Variants in NT5C2 observed in about 807,000 individuals in gnomAD.
NT5C2 encodes the protein cytosolic purine 5'-nucleotidase.
A neutral mutation model predicts 76.1 loss-of-function variants in NT5C2; 58 were observed. The observed-to-expected ratio is 0.76, with a 90% CI of 0.62 to 0.95. The LOEUF (loss-of-function observed/expected upper bound fraction) is 0.95, where lower values mean the gene tolerates loss of function less well. Among genes scored for constraint, NT5C2 ranks in the 40% least tolerant of loss-of-function variants. The probability of loss-of-function intolerance (pLI) is 0.00; values close to 1 mark genes in which losing one functional copy is unlikely to be tolerated. For synonymous variants in NT5C2, 229 were observed against 237.4 expected, an observed-to-expected ratio of 0.96 and a Z score of 0.32; for missense variants, 478 against 690.3, an observed-to-expected ratio of 0.69 and a Z score of 3.45.
At chr10:103,093,054 T>C (rs1302698364) in intron 15 of NT5C2, 85 bp downstream of exon 15, 3 of 1,220,178 alleles carry the variant, frequency 2.5e-6, no homozygotes, top group African/African-American at 3.1e-5. Context: ...ACTTCCTGAA[T>C]ACAAAGTAAT....
intron 3 of NT5C2, among the ~76,000 whole-genome samples, chr10:103,165,899 A>G (rs956290680): frequency 3.9e-5 from 6 of 152,070 alleles, no homozygotes; most frequent in Admixed American, 2.6e-4. Flanking sequence ...CGAACTCCCA[A>G]CCTCAGGTGA....
At chr10:103,130,142 A>G (rs2077828961) in intron 4 of NT5C2, among the ~76,000 whole-genome samples, 1 of 151,872 alleles carries the variant, frequency 6.6e-6, no homozygotes, top group Non-Finnish European at 1.5e-5. Context: ...AGATTGAGAA[A>G]TCGGATGGTT....
chr10:103,114,319 G>A (rs1392868167), intron 4 of NT5C2, among the ~76,000 whole-genome samples: 2 of 152,144 alleles, frequency 1.3e-5, no homozygotes, highest in African/African-American at 2.4e-5. Flanking sequence ...GCACGTGCCT[G>A]TATCACTGGT....
rs184807607 is a variant in NT5C2 at position 103,173,913 on chromosome 10, C to T, written c.101+945G>A. ...GAGTTCAAGACCAGCCTGGCTAACA[C>T]GGTGAAACCCTGTCTCTACTAAAAA... On this transcript the variant is annotated intron_variant, in intron 3 of 18. Transcript: ENST00000404739. Among the ~76,000 whole-genome samples, 12 of 151,724 alleles carry T rather than the reference C, an allele frequency of 7.9e-5. No homozygotes were observed. In the East Asian group the frequency reaches 1.2e-3, roughly 15 times the overall value.
rs531369938 is a variant in NT5C2, at chr10:103,186,099, T to G, written c.-168-4771A>C. On this transcript the variant is annotated intron_variant, in intron 1 of 18. Coordinates refer to ENST00000404739, the MANE Select transcript of NT5C2 (RefSeq NM_001351169.2). ...AAACAGGAAAGAGAAGTTAGATAAT[T>G]TGAAGTCACAGAATTATACTGTGGT... 4.7e-4 allele frequency among the ~76,000 whole-genome samples: 71 copies of G among 152,320 alleles called. 1 individual carries two copies. In the South Asian group the frequency reaches 0.014, roughly 31 times the overall value.
At chr10:103,184,983 T>C (rs778958928) in intron 1 of NT5C2, among the ~76,000 whole-genome samples, 38 of 143,710 alleles carry the variant, frequency 2.6e-4, no homozygotes, top group Non-Finnish European at 3.5e-4. Flanking sequence ...CATCTGTTCC[T>C]AAACTTTTGA....
intron 3 of NT5C2, among the ~76,000 whole-genome samples, chr10:103,158,962 C>A (rs1023083207): frequency 2.0e-5 from 3 of 151,978 alleles, no homozygotes; most frequent in African/African-American, 7.3e-5. Context: ...AAGACTTGTA[C>A]ACTAAAGACT....
chr10:103,158,102 C>T (rs1433471400), intron 3 of NT5C2, among the ~76,000 whole-genome samples: 1 of 150,910 alleles, frequency 6.6e-6, no homozygotes, highest in Non-Finnish European at 1.5e-5. Flanking sequence ...AAATTTGGGA[C>T]ATTCACAAAT....
At chr10:103,096,193 CAGGG>C (rs1193803464) in intron 11 of NT5C2, among the ~76,000 whole-genome samples, 5 of 152,126 alleles carry the variant, frequency 3.3e-5, no homozygotes, top group Non-Finnish European at 7.4e-5. Flanking sequence ...CTGACATTCT[CAGGG>C]AGGATACATA....
intron 5 of NT5C2, 127 bp from the exon 6 acceptor site, chr10:103,105,928 T>TA (rs1262888780): frequency 1.7e-6 from 1 of 595,254 alleles, no homozygotes; most frequent in Non-Finnish European, 3.0e-6. Flanking sequence ...AAGTATGTCC[T>TA]AATATAGCTA....
chr10:103,128,679 G>A (rs2077210799), intron 4 of NT5C2, among the ~76,000 whole-genome samples: 2 of 40,484 alleles, frequency 4.9e-5, no homozygotes, highest in South Asian at 9.1e-4. Flanking sequence ...CTGCCCGGCC[G>A]CCCATCGTCT....
chr10:103,173,251 A>G lies in NT5C2; in HGVS notation c.101+1607T>C, dbSNP rs530833350. Among the ~76,000 whole-genome samples, 17 of 152,246 alleles carry G rather than the reference A, an allele frequency of 1.1e-4. No homozygotes were observed. In the South Asian group the frequency reaches 2.9e-3, roughly 26 times the overall value. On this transcript the variant is annotated intron_variant, in intron 3 of 18. Transcript: ENST00000404739. ...GAGTTACCCACATTCAATCTAACAC[A>G]CAGTAGCCAGCAGACACAATTTTTA... is the stretch of plus-strand genomic sequence containing the variant.
intron 3 of NT5C2, among the ~76,000 whole-genome samples, chr10:103,142,986 CAA>C (rs371773086): frequency 9.3e-4 from 47 of 50,334 alleles, no homozygotes; most frequent in Non-Finnish European, 8.6e-4. Context: ...AAGATTCCAT[CAA>C]AAAAAAAAAA....
intron 3 of NT5C2, among the ~76,000 whole-genome samples, chr10:103,152,041 A>G (rs2082503257): frequency 6.6e-6 from 1 of 152,190 alleles, no homozygotes; most frequent in South Asian, 2.1e-4. Context: ...AAAAATTAGC[A>G]CTAACTACTT....
chr10:103,167,040 C>T (rs2086577396), intron 3 of NT5C2, among the ~76,000 whole-genome samples: 1 of 147,470 alleles, frequency 6.8e-6, no homozygotes, highest in Non-Finnish European at 1.5e-5. Flanking sequence ...TTTCTTGAGA[C>T]AGTCTCGCTC....
chr10:103,127,406 TG>T (rs2076871080), intron 4 of NT5C2, among the ~76,000 whole-genome samples: 1 of 152,210 alleles, frequency 6.6e-6, no homozygotes, highest in South Asian at 2.1e-4. Flanking sequence ...GCTTCAATTA[TG>T]GGGATAATTG....
chr10:103,112,208 G>A (rs1023838717), intron 4 of NT5C2, among the ~76,000 whole-genome samples: 1 of 152,152 alleles, frequency 6.6e-6, no homozygotes, highest in Non-Finnish European at 1.5e-5. Context: ...ATTAAACTAT[G>A]GGTAGTGAAA....
intron 1 of NT5C2, among the ~76,000 whole-genome samples, chr10:103,183,833 T>A (rs1394779052): frequency 1.3e-5 from 2 of 152,130 alleles, no homozygotes; most frequent in Non-Finnish European, 2.9e-5. Context: ...ATAAAATAGT[T>A]TAAGATGAAG....
intron 4 of NT5C2, among the ~76,000 whole-genome samples, chr10:103,130,870 G>T (rs1180189128): frequency 6.6e-6 from 1 of 152,068 alleles, no homozygotes; most frequent in Non-Finnish European, 1.5e-5. Flanking sequence ...CCCAAAGAAG[G>T]TCTTCTGTAG....
Sources: gnomAD v4.1 joint callset for allele counts (sites outside exome capture counted in the v4.1 genomes callset) on GRCh38, gnomAD v4.1.1 for gene constraint, MANE v1.5 for transcripts, NCBI Gene and HGNC (gene_info 2026-07-23, HGNC 2026-07-21) for gene names.